ABR: variants seen among roughly 807,000 people sequenced by gnomAD.
ABR encodes active breakpoint cluster region-related protein.
In ABR, 35 loss-of-function variants were observed where a neutral mutation model predicts 107.2. The ratio of observed to expected loss-of-function variants is 0.33; its 90% confidence interval spans 0.25 to 0.43. ABR has a LOEUF of 0.43. Ranked by LOEUF, ABR falls within the 20% of genes least tolerant of loss-of-function variation. The pLI is 1.00. For missense variants in ABR, 815 were observed against 1,115.2 expected (o/e 0.73, Z 3.83); for synonymous variants, 498 against 462.0 (o/e 1.08, Z -1.00).
chr17:1,184,311 T>A (rs1199584832), upstream of ABR, among the ~76,000 whole-genome samples: 1 of 151,954 alleles, frequency 6.6e-6, no homozygotes. Context: ...AAACATTAGC[T>A]GGGCATGGTG....
rs757421428 is a variant in ABR, at chr17:1,209,434, G to A, written c.838+19359C>T. 7.3e-4 allele frequency among the ~76,000 whole-genome samples: 111 copies of A among 152,162 alleles called. 1 individual carries two copies. The Middle Eastern group carries it at 0.017, about 23-fold the overall frequency. Reference sequence around the variant, plus strand: ...TGGGATTACAGGCATGCGCCACCACGCCTAGCTAATTTTTGTATTTTTAAT... The same window carrying A: ...TGGGATTACAGGCATGCGCCACCACACCTAGCTAATTTTTGTATTTTTAAT... On this transcript the variant is annotated intron_variant, in intron 1 of 22. Transcript: ENST00000574139.
chr17:1,088,141 G>A (rs544650635), intron 4 of ABR, among the ~76,000 whole-genome samples: 33 of 152,274 alleles, frequency 2.2e-4, no homozygotes, highest in East Asian at 9.6e-4. Context: ...ATCGGTTCAC[G>A]ATGCTGGGGA....
chr17:1,010,422 C>CA lies in ABR; in HGVS notation c.2236+306dup, dbSNP rs2070430904. The CA allele has an allele frequency of 5.3e-6, 2 of 373,942 alleles. No homozygotes were observed. Among genetic ancestry groups the CA allele is most frequent in the Admixed American group, 4.1e-5 (1 of 24,170 alleles). 23.2% of individuals were successfully genotyped at this position (373,942 alleles called of 1,614,324 possible). ...TCTGGGATGCTGGCTTCTGGCCACT[C>CA]ACCTCAGGGCAGTCTTCCCTGGATG... On this transcript the variant is annotated intron_variant, in intron 20 of 22. Transcript: ENST00000302538. This position sits in a 1 kb window ranked among gnomAD's most constrained non-coding sequence, Gnocchi z 4.1.
At chr17:1,182,202 G>A (rs916658347), upstream of ABR, 6 of 152,128 alleles carry the variant, frequency 3.9e-5, no homozygotes, top group African/African-American at 1.4e-4. Context: ...CCGGCTTAGC[G>A]TTTCGTTCAC....
intron 22 of ABR, among the ~76,000 whole-genome samples, chr17:1,006,418 C>T (rs989895858): frequency 5.3e-5 from 8 of 152,190 alleles, no homozygotes; most frequent in Non-Finnish European, 1.0e-4. Context: ...CAGTCCGGCC[C>T]CTGCTCTGGG....
At position 1,220,338 on chromosome 17, in the gene ABR, C is replaced by T. The variant is rs190975714; in HGVS notation, c.838+8455G>A. On this transcript the variant is annotated intron_variant, in intron 1 of 22. Coordinates refer to the ABR transcript ENST00000574139. ...ATCATTTTTCTCAGCAGTTGAAAAA[C>T]GCGACGTGAGGTCCAGGCAGCCTCC... Among the ~76,000 whole-genome samples, 34 of 152,050 alleles carry T rather than the reference C, an allele frequency of 2.2e-4. 1 individual carries two copies. The highest frequency in any genetic ancestry group is 4.1e-4 in the African/African-American group (17 of 41,472).
intron 1 of ABR, 132 bp from the exon 2 acceptor site, chr17:1,125,499 G>T: frequency 2.1e-6 from 2 of 964,922 alleles, no homozygotes; most frequent in Non-Finnish European, 2.9e-6. Flanking sequence ...TGGCCCGGGC[G>T]GGGGCTGTGC....
At chr17:1,057,201 G>T in intron 12 of ABR, 99 bp from the exon 13 acceptor site, 1 of 775,928 alleles carries the variant, frequency 1.3e-6, no homozygotes. Context: ...CTTAATCCCT[G>T]GGGCAGACTT....
At chr17:1,031,513 T>A in intron 16 of ABR, 1 of 441,492 alleles carries the variant, frequency 2.3e-6, no homozygotes, top group Non-Finnish European at 3.3e-6. Context: ...CGGGACCCCA[T>A]CAGCCCCCGC....
At chr17:1,221,137 C>G (rs543718177) in intron 1 of ABR, among the ~76,000 whole-genome samples, 1 of 152,192 alleles carries the variant, frequency 6.6e-6, no homozygotes, top group African/African-American at 2.4e-5. Context: ...TAGCTGCCTA[C>G]GCAATATCAA....
chr17:1,146,118 G>A lies in ABR; in HGVS notation c.62-20751C>T, dbSNP rs77419655. Among the ~76,000 whole-genome samples the A allele has an allele frequency of 3.1e-3, 479 of 152,284 alleles. 5 individuals carry two copies. The highest frequency in any genetic ancestry group is 0.011 in the African/African-American group (459 of 41,556). ...ATTCAAGGAGGGCAGGTAAGAGGAC[G>A]TGCCCAGGTTAGCCTCTTCCTTGGA... is the stretch of plus-strand genomic sequence containing the variant. On this transcript the variant is annotated intron_variant, in intron 1 of 22. Transcript: ENST00000302538.
intron 16 of ABR, among the ~76,000 whole-genome samples, chr17:1,042,032 C>G (rs2030615757): frequency 6.6e-6 from 1 of 152,198 alleles, no homozygotes; most frequent in South Asian, 2.1e-4. Context: ...TCTATTACAG[C>G]TGGGAGGCAG....
intron 1 of ABR, among the ~76,000 whole-genome samples, chr17:1,142,679 G>C (rs1030642077): frequency 3.3e-5 from 5 of 152,194 alleles, no homozygotes; most frequent in African/African-American, 1.2e-4. Flanking sequence ...GCCCGGAAGA[G>C]GCAGGGCTTG....
At chr17:1,100,573 G>C in intron 3 of ABR, 64 bp downstream of exon 3, 1 of 1,494,914 alleles carries the variant, frequency 6.7e-7, no homozygotes, top group Non-Finnish European at 9.3e-7. Context: ...AGCAGCTTCA[G>C]AGCATGACAT....
intron 3 of ABR, among the ~76,000 whole-genome samples, chr17:1,099,112 G>A (rs909374743): frequency 2.7e-5 from 4 of 149,230 alleles, no homozygotes; most frequent in African/African-American, 7.5e-5. Flanking sequence ...TTTCACTTCC[G>A]TCGTCCAGTC....
At chr17:1,007,725 G>C (rs1167906955) in intron 21 of ABR, among the ~76,000 whole-genome samples, 1 of 151,894 alleles carries the variant, frequency 6.6e-6, no homozygotes, top group Non-Finnish European at 1.5e-5. Context: ...GTACAGAGGG[G>C]TTAAGTGACT....
chr17:1,021,574 G>A (rs1040663086), intron 16 of ABR, among the ~76,000 whole-genome samples: 2 of 152,192 alleles, frequency 1.3e-5, no homozygotes, highest in Non-Finnish European at 2.9e-5. Flanking sequence ...GGGAGGCCGA[G>A]GCGGGCGGAT....
In ABR at chr17:1,200,684, G is replaced by C. The variant is rs1287508533; in HGVS notation, c.838+28109C>G. Reference sequence around the variant, plus strand: ...CTTTATTCGGGGCCTCCGTGGTGCAGACACAAAGATGGATCCCCAGGTGGA... The same window carrying C: ...CTTTATTCGGGGCCTCCGTGGTGCACACACAAAGATGGATCCCCAGGTGGA... On this transcript the variant is annotated intron_variant, in intron 1 of 22. Coordinates refer to the ABR transcript ENST00000574139. The surrounding 1 kb of genome is among the most constrained non-coding windows in gnomAD (Gnocchi z 4.1). Among the ~76,000 whole-genome samples, 1 of 152,154 alleles carries C rather than the reference G, an allele frequency of 6.6e-6. No homozygotes were observed. Among genetic ancestry groups the C allele is most frequent in the Non-Finnish European group, 1.5e-5 (1 of 68,040 alleles).
At chr17:1,067,616 A>G (rs1232322327) in intron 9 of ABR, among the ~76,000 whole-genome samples, 3 of 152,196 alleles carry the variant, frequency 2.0e-5, no homozygotes, top group Non-Finnish European at 2.9e-5. Flanking sequence ...ATCCGTGTTC[A>G]ATATCCTTCA....
Sources: allele counts gnomAD v4.1 joint callset (sites outside exome capture counted in the v4.1 genomes callset), GRCh38; gene constraint gnomAD v4.1.1; non-coding constraint Gnocchi (gnomAD v3.1); transcripts MANE v1.5; gene names NCBI Gene and HGNC (gene_info 2026-07-23, HGNC 2026-07-21).